PAX5: variants seen among roughly 807,000 people sequenced by gnomAD.
PAX5 encodes paired box protein Pax-5.
PAX5 carries 9 observed loss-of-function variants against 43.7 expected under a neutral mutation model. The observed-to-expected ratio is 0.21, with a 90% CI of 0.12 to 0.36. The LOEUF (loss-of-function observed/expected upper bound fraction) is 0.36. PAX5 is among the 10% of genes least tolerant of loss of function. PAX5 has a pLI of 1.00. For synonymous variants in PAX5, 228 were observed against 214.3 expected (o/e 1.06, Z -0.56); for missense variants, 383 against 532.7 (o/e 0.72, Z 2.77).
chr9:37,020,201 C>A (rs1429094765), intron 2 of PAX5, among the ~76,000 whole-genome samples: 1 of 151,552 alleles, frequency 6.6e-6, no homozygotes, highest in Non-Finnish European at 1.5e-5. Flanking sequence ...CCCAACATAA[C>A]AAGGTTGATA....
intron 6 of PAX5, among the ~76,000 whole-genome samples, chr9:36,924,327 C>T (rs1371035959): frequency 6.6e-6 from 1 of 152,184 alleles, no homozygotes; most frequent in East Asian, 1.9e-4. Context: ...GCAGCAAAGG[C>T]ACCAACCTGG....
chr9:36,901,418 C>T (rs1828382289), intron 7 of PAX5, among the ~76,000 whole-genome samples: 1 of 152,140 alleles, frequency 6.6e-6, no homozygotes, highest in Non-Finnish European at 1.5e-5. Flanking sequence ...GCACCTGTGA[C>T]ATCTGTCACA....
chr9:36,847,290 C>G (rs574546282), intron 8 of PAX5, among the ~76,000 whole-genome samples: 1 of 152,164 alleles, frequency 6.6e-6, no homozygotes, highest in African/African-American at 2.4e-5. Flanking sequence ...TCTTGATACA[C>G]CTTGCTAAGT....
At chr9:36,942,220 C>A (rs368387666) in intron 6 of PAX5, among the ~76,000 whole-genome samples, 1 of 152,212 alleles carries the variant, frequency 6.6e-6, no homozygotes, top group Non-Finnish European at 1.5e-5. Flanking sequence ...TGGGGTATCC[C>A]CATTCCCATC....
chr9:37,003,062 C>A (rs1325491901), intron 4 of PAX5, among the ~76,000 whole-genome samples: 1 of 147,094 alleles, frequency 6.8e-6, no homozygotes, highest in Non-Finnish European at 1.5e-5. Context: ...ACAGGAAGGG[C>A]TTTCGCTTAA....
chr9:36,853,249 T>G (rs1006453594), intron 8 of PAX5, among the ~76,000 whole-genome samples: 3 of 152,156 alleles, frequency 2.0e-5, no homozygotes, highest in African/African-American at 7.2e-5. Flanking sequence ...GATACAAAAT[T>G]TACACATAAT....
chr9:36,914,702 G>T (rs1829588410), intron 7 of PAX5, among the ~76,000 whole-genome samples: 1 of 152,182 alleles, frequency 6.6e-6, no homozygotes, highest in Admixed American at 6.5e-5. Context: ...CCAAGGGGAT[G>T]CTGGGTGGAA....
Position 36,840,429 on chromosome 9 carries a change from AG to A in PAX5, c.*130del, listed in dbSNP as rs3832600. On this transcript the variant is annotated 3_prime_UTR_variant, in exon 10 of 10. Coordinates refer to ENST00000358127, the MANE Select transcript of PAX5 (RefSeq NM_016734.3). ...AGAGTCCCTGGAGGAAGAGAGGAAGAGGGGAGCTTCAGGCAAGTGGGGGATG... is the reference window on the plus strand; with the variant it reads ...AGAGTCCCTGGAGGAAGAGAGGAAGAGGGAGCTTCAGGCAAGTGGGGGATG... 5.6e-4 allele frequency: 481 copies of A among 853,788 alleles called. 6 individuals are homozygous for A. In the East Asian group the frequency reaches 0.011, roughly 19 times the overall value. 52.9% of individuals were successfully genotyped at this position (853,788 alleles called of 1,614,324 possible).
intron 1 of PAX5, among the ~76,000 whole-genome samples, chr9:37,024,582 G>C (rs895489521): frequency 6.6e-6 from 1 of 152,218 alleles, no homozygotes; most frequent in African/African-American, 2.4e-5. Flanking sequence ...AGAACCGAGA[G>C]TGCTTCCAGA....
intron 5 of PAX5, among the ~76,000 whole-genome samples, chr9:36,981,804 A>C (rs550034591): frequency 2.0e-5 from 3 of 152,342 alleles, no homozygotes; most frequent in African/African-American, 7.2e-5. Flanking sequence ...TTCTCTCAAC[A>C]CATCTGTGCA....
intron 7 of PAX5, among the ~76,000 whole-genome samples, chr9:36,902,162 C>A (rs1828459244): frequency 6.6e-6 from 1 of 152,132 alleles, no homozygotes; most frequent in Non-Finnish European, 1.5e-5. Flanking sequence ...CATAAAGGCT[C>A]GGCAAAGCGG....
chr9:37,025,424 G>C (rs1050641466), intron 1 of PAX5, among the ~76,000 whole-genome samples: 2 of 152,090 alleles, frequency 1.3e-5, no homozygotes, highest in African/African-American at 2.4e-5. Context: ...TGTTGGGATG[G>C]GGGGGAGCGG....
At chr9:36,980,486 C>T (rs1835819437) in intron 5 of PAX5, among the ~76,000 whole-genome samples, 1 of 152,156 alleles carries the variant, frequency 6.6e-6, no homozygotes, top group African/African-American at 2.4e-5. Context: ...GCACTGCCTC[C>T]CAGACAAAAT....
At chr9:37,014,280 T>A (rs1345439037) in intron 3 of PAX5, among the ~76,000 whole-genome samples, 1 of 152,250 alleles carries the variant, frequency 6.6e-6, no homozygotes, top group Non-Finnish European at 1.5e-5. Context: ...AGGAAGATCC[T>A]GTGCATGACT....
chr9:36,887,460 G>A (rs958149242), intron 7 of PAX5, among the ~76,000 whole-genome samples: 3 of 152,082 alleles, frequency 2.0e-5, no homozygotes, highest in Non-Finnish European at 4.4e-5. Context: ...AGATAAAATA[G>A]ATCAACTCTT....
chr9:36,873,500 G>A (rs1309588931), intron 8 of PAX5, among the ~76,000 whole-genome samples: 1 of 152,248 alleles, frequency 6.6e-6, no homozygotes, highest in African/African-American at 2.4e-5. Context: ...ACGAGCAACA[G>A]GTGTGCACCC....
At position 36,844,871 on chromosome 9, in the gene PAX5, A is replaced by G. The variant is rs114913908; in HGVS notation, c.1099+1972T>C. On this transcript the variant is annotated intron_variant, in intron 9 of 9. Coordinates refer to ENST00000358127, the MANE Select transcript of PAX5 (RefSeq NM_016734.3). ...CACTCCACAGATAGCCCCACCTCCT[A>G]CACCAAGCCTTTGCCACACGTGCCT... Among the ~76,000 whole-genome samples the G allele has an allele frequency of 5.0e-3, 766 of 152,226 alleles. 7 individuals are homozygous for G. The highest frequency in any genetic ancestry group is 0.017 in the African/African-American group (721 of 41,528).
At chr9:37,018,746 CAACTT>C (rs1320917186) in intron 2 of PAX5, among the ~76,000 whole-genome samples, 2 of 152,048 alleles carry the variant, frequency 1.3e-5, no homozygotes, top group African/African-American at 4.8e-5. Context: ...TTATTGTTGA[CAACTT>C]AAACGGTCAG....
At chr9:36,962,763 G>A (rs967961097) in intron 6 of PAX5, among the ~76,000 whole-genome samples, 2 of 152,224 alleles carry the variant, frequency 1.3e-5, no homozygotes, top group African/African-American at 4.8e-5. Flanking sequence ...GCTGCTCAGC[G>A]AAAGTGACAG....
Sources: allele counts gnomAD v4.1 joint callset (sites outside exome capture counted in the v4.1 genomes callset), GRCh38; gene constraint gnomAD v4.1.1; transcripts MANE v1.5; gene names NCBI Gene and HGNC (gene_info 2026-07-23, HGNC 2026-07-21).